Variants in SDK1 observed in about 807,000 individuals in gnomAD.
SDK1 encodes the protein protein sidekick-1.
SDK1 carries 157 observed loss-of-function variants against 245.5 expected under a neutral mutation model. That is an observed-to-expected ratio of 0.64 (90% CI 0.56 to 0.73). The LOEUF is 0.73. Among genes scored for constraint, SDK1 ranks in the 30% least tolerant of loss-of-function variants. The pLI is 0.00. For synonymous variants in SDK1, 1,647 were observed against 1,278.5 expected (o/e 1.29, Z -6.15); for missense variants, 3,583 against 3,002.3 (o/e 1.19, Z -4.52).
intron 5 of SDK1, among the ~76,000 whole-genome samples, chr7:3,830,953 C>G (rs1779898691): frequency 6.6e-6 from 1 of 152,068 alleles, no homozygotes; most frequent in Admixed American, 6.6e-5. Context: ...GAGAGTGACC[C>G]AAGATTATAA....
intron 5 of SDK1, among the ~76,000 whole-genome samples, chr7:3,915,232 T>A (rs192405813): frequency 6.6e-6 from 1 of 152,328 alleles, no homozygotes; most frequent in Non-Finnish European, 1.5e-5. Flanking sequence ...TCCAGCTCAC[T>A]CGCTGTAGAA....
At chr7:3,958,642 G>A (rs1053223827) in intron 7 of SDK1, among the ~76,000 whole-genome samples, 6 of 152,094 alleles carry the variant, frequency 3.9e-5, no homozygotes, top group Admixed American at 2.0e-4. Flanking sequence ...AAACCTTTAC[G>A]AACCTCTTGG....
At chr7:3,526,184 G>C (rs910419905) in intron 1 of SDK1, among the ~76,000 whole-genome samples, 2 of 151,790 alleles carry the variant, frequency 1.3e-5, no homozygotes, top group Non-Finnish European at 2.9e-5. Flanking sequence ...TGTGAGCCGA[G>C]ATCGCATCAC....
At position 3,790,040 on chromosome 7, in the gene SDK1, T is replaced by C. The variant is rs909523674; in HGVS notation, c.714-31410T>C. ...CCCCTTCCCGAGGACCAAATAGTTA[T>C]TCAGCGGAGAAGTTGAGAAAGACCC... On this transcript the variant is annotated intron_variant, in intron 4 of 44. Transcript: ENST00000404826. Among the ~76,000 whole-genome samples the C allele has an allele frequency of 2.0e-5, 3 of 152,198 alleles. No individual in the cohort carries two copies. In the East Asian group the frequency reaches 5.8e-4, roughly 29 times the overall value.
chr7:3,611,710 T>C (rs1781597529), intron 1 of SDK1, among the ~76,000 whole-genome samples: 2 of 152,148 alleles, frequency 1.3e-5, no homozygotes, highest in African/African-American at 4.8e-5. Context: ...CCAACATCTA[T>C]TATTTTTTGA....
At chr7:3,648,591 T>A (rs930611607) in intron 4 of SDK1, among the ~76,000 whole-genome samples, 14 of 152,256 alleles carry the variant, frequency 9.2e-5, no homozygotes, top group African/African-American at 3.4e-4. Flanking sequence ...CCATTTCATT[T>A]CAATTTCTTC....
chr7:3,771,062 G>A (rs1307412061), intron 4 of SDK1, among the ~76,000 whole-genome samples: 1 of 152,138 alleles, frequency 6.6e-6, no homozygotes, highest in Non-Finnish European at 1.5e-5. Context: ...ATGCTCAGCT[G>A]AAAGTCAAAT....
At chr7:4,194,295 T>C (rs559990042) in intron 35 of SDK1, among the ~76,000 whole-genome samples, 3 of 100,858 alleles carry the variant, frequency 3.0e-5, no homozygotes, top group African/African-American at 8.0e-5. Flanking sequence ...TGTATGCACG[T>C]ATGTGTATAC....
intron 4 of SDK1, among the ~76,000 whole-genome samples, chr7:3,804,017 G>T (rs1779178426): frequency 6.6e-6 from 1 of 152,064 alleles, no homozygotes; most frequent in Non-Finnish European, 1.5e-5. Context: ...ACCTGCCTTG[G>T]CCTCCCAAAG....
chr7:4,248,581 C>T (rs986374352), intron 44 of SDK1, among the ~76,000 whole-genome samples: 2 of 152,032 alleles, frequency 1.3e-5, no homozygotes, highest in African/African-American at 4.8e-5. Flanking sequence ...AATACATGCA[C>T]ACACATGCAT....
chr7:3,522,563 G>T (rs1031989423), intron 1 of SDK1, among the ~76,000 whole-genome samples: 4 of 152,064 alleles, frequency 2.6e-5, no homozygotes, highest in African/African-American at 9.7e-5. Context: ...ATGGGTCCTG[G>T]CTCATAGAAG....
intron 4 of SDK1, among the ~76,000 whole-genome samples, chr7:3,780,873 C>A (rs1207415339): frequency 6.6e-6 from 1 of 152,098 alleles, no homozygotes; most frequent in Non-Finnish European, 1.5e-5. Flanking sequence ...ACTCCCAGCT[C>A]CACAGATTTC....
chr7:4,253,888 C>G (rs1020157139), intron 44 of SDK1, among the ~76,000 whole-genome samples: 1 of 152,100 alleles, frequency 6.6e-6, no homozygotes, highest in African/African-American at 2.4e-5. Flanking sequence ...TGTCTCGTAT[C>G]TTTATTCCCT....
At chr7:4,090,100 T>C (rs1357681429) in intron 22 of SDK1, among the ~76,000 whole-genome samples, 4 of 152,224 alleles carry the variant, frequency 2.6e-5, no homozygotes, top group Non-Finnish European at 4.4e-5. Flanking sequence ...TACACCTTGT[T>C]GGGTTTGACT....
At position 4,236,569 on chromosome 7, in the gene SDK1, C is replaced by G. The variant is rs116295588; in HGVS notation, c.5993-1078C>G. Among the ~76,000 whole-genome samples the G allele has an allele frequency of 6.5e-3, 989 of 152,108 alleles. 8 individuals carry two copies. Among genetic ancestry groups the G allele is most frequent in the African/African-American group, 0.023 (934 of 41,476 alleles). On this transcript the variant is annotated intron_variant, in intron 41 of 44. Coordinates refer to ENST00000404826, the MANE Select transcript of SDK1 (RefSeq NM_152744.4). The stretch of plus-strand genomic sequence containing the variant: ...AGCAAATACACACAGTGCGTGTTTG[C>G]GGCGGGGGCTTCCATAGACGTGCAG...
intron 4 of SDK1, among the ~76,000 whole-genome samples, chr7:3,768,764 C>G (rs1175097659): frequency 6.6e-6 from 1 of 152,350 alleles, no homozygotes; most frequent in East Asian, 1.9e-4. Flanking sequence ...ATGCTTCACA[C>G]TTTCTGAAAC....
chr7:3,826,822 A>G (rs1197193564), intron 5 of SDK1, among the ~76,000 whole-genome samples: 1 of 152,158 alleles, frequency 6.6e-6, no homozygotes, highest in Non-Finnish European at 1.5e-5. Context: ...TCGGTGAGAA[A>G]ACATAAGTTA....
intron 30 of SDK1, among the ~76,000 whole-genome samples, chr7:4,156,476 T>G (rs568221406): frequency 6.6e-6 from 1 of 152,182 alleles, no homozygotes; most frequent in Admixed American, 6.5e-5. Context: ...GGACGCTGAG[T>G]GCAGAGGGTC....
intron 1 of SDK1, among the ~76,000 whole-genome samples, chr7:3,396,079 G>A (rs1781888844): frequency 6.6e-6 from 1 of 151,604 alleles, no homozygotes; most frequent in Non-Finnish European, 1.5e-5. Flanking sequence ...CTTTAATATA[G>A]GAATGTTAAC....
Sources: allele counts gnomAD v4.1 joint callset (sites outside exome capture counted in the v4.1 genomes callset), GRCh38; gene constraint gnomAD v4.1.1; transcripts MANE v1.5; gene names NCBI Gene and HGNC (gene_info 2026-07-23, HGNC 2026-07-21).